The following CCDC93 variants were observed in gnomAD, a reference collection of about 807,000 sequenced individuals.
CCDC93 encodes CCC complex scaffolding subunit CCDC93, also known as coiled-coil domain-containing protein 93.
Under a neutral mutation model 108.2 loss-of-function variants are expected in CCDC93, and 61 were observed. The observed-to-expected ratio is 0.56, with a 90% CI of 0.46 to 0.70. The LOEUF is 0.70. CCDC93 is among the 30% of genes least tolerant of loss of function. The probability of loss-of-function intolerance (pLI) is 0.00; values close to 1 mark genes in which losing one functional copy is unlikely to be tolerated. For synonymous variants in CCDC93, 276 were observed against 260.4 expected, an observed-to-expected ratio of 1.06 and a Z score of -0.58; for missense variants, 685 against 764.2, an observed-to-expected ratio of 0.90 and a Z score of 1.22.
In CCDC93 at chr2:117,985,977, T is replaced by G; in HGVS notation, c.612A>C (p.Glu204Asp). 1 of 1,606,506 alleles carries G rather than the reference T, an allele frequency of 6.2e-7. No homozygotes were observed. Among genetic ancestry groups the G allele is most frequent in the Non-Finnish European group, 8.5e-7 (1 of 1,173,364 alleles). Residue 204 changes from glutamate to aspartate, a missense_variant, in exon 7 of 24, where the codon GAA (glutamate) becomes GAC (aspartate). Physicochemically the swap from Glu to Asp is conservative, Grantham distance 45. Transcript: ENST00000376300. ...TGGGTCCCACTCATTACCTGCCATA[T>G]TCCAAAAGTGTAGCATGGATTCGAG... Reference protein sequence around the residue: ...EESRIHATLLEYGRRYGFSRQ... With the variant: ...EESRIHATLLDYGRRYGFSRQ...
At position 117,958,473 on chromosome 2, in the gene CCDC93, C is replaced by G. The variant is rs766626893; in HGVS notation, c.897G>C (p.Glu299Asp). Reference protein sequence around the residue: ...IVSEYAEKQSELSAEESPEKL... With the variant: ...IVSEYAEKQSDLSAEESPEKL... ...TTTCTGGACTTTCTTCAGCTGATAG[C>G]TCAGACTGCTGTGGAAAAAAGGGAT... The change falls in exon 12 of 24, where the codon GAG becomes GAC. Residue 299 changes from glutamate (E) to aspartate (D), a missense_variant. By Grantham distance (45) the Glu-to-Asp change is conservative. Transcript: ENST00000376300. The G allele has an allele frequency of 6.3e-7, 1 of 1,589,742 alleles. No individual in the cohort carries two copies. The highest frequency in any genetic ancestry group is 8.6e-7 in the Non-Finnish European group (1 of 1,157,854).
At chr2:117,981,650 A>C (rs1370060343) in intron 7 of CCDC93, among the ~76,000 whole-genome samples, 1 of 152,184 alleles carries the variant, frequency 6.6e-6, no homozygotes, top group Non-Finnish European at 1.5e-5. Flanking sequence ...CACACATACA[A>C]TTTTTTAATT....
intron 22 of CCDC93, chr2:117,934,483 G>A (rs184731703): frequency 2.6e-5 from 4 of 152,420 alleles, no homozygotes; most frequent in African/African-American, 7.2e-5. Flanking sequence ...TTGAGAAATC[G>A]TGCTTGTTAC....
In CCDC93 at chr2:118,008,658, C is replaced by A; in HGVS notation, c.43G>T (p.Val15Leu). ...RGPEGQGLPE[V>L]ETREDEEQNV... Reference sequence around the variant, plus strand: ...TGTTCTTCATCTTCTCTTGTTTCCACCTAAAATAAAAGGTAAAACTTTGGC... The same window carrying A: ...TGTTCTTCATCTTCTCTTGTTTCCAACTAAAATAAAAGGTAAAACTTTGGC... Residue 15 changes from valine (V) to leucine (L), a missense_variant and splice_region_variant, in exon 2 of 24, where the codon GTG becomes TTG. By Grantham distance (32) the Val-to-Leu change is conservative. Coordinates refer to ENST00000376300, the MANE Select transcript of CCDC93 (RefSeq NM_019044.5). 6.2e-7 allele frequency: 1 copy of A among 1,600,498 alleles called. No individual in the cohort carries two copies. The highest frequency in any genetic ancestry group is 1.1e-5 in the South Asian group (1 of 90,354).
rs557389499 is a variant in CCDC93 at position 118,010,863 on chromosome 2, C to T, written c.43-2205G>A. Among the ~76,000 whole-genome samples the T allele has an allele frequency of 3.3e-5, 5 of 152,332 alleles. 1 individual carries two copies. Among genetic ancestry groups the T allele is most frequent in the Admixed American group, 1.3e-4 (2 of 15,302 alleles). On this transcript the variant is annotated intron_variant, in intron 1 of 23. Transcript: ENST00000376300. ...CTTTCAAATTCCAGCTCCCATGCAACACCATCCCTCACAAGTCTATCCTGA... is the reference window on the plus strand; with the variant it reads ...CTTTCAAATTCCAGCTCCCATGCAATACCATCCCTCACAAGTCTATCCTGA...
chr2:118,013,903 G>A lies in CCDC93; in HGVS notation c.42+51C>T, dbSNP rs373493090. 474 of 1,486,208 alleles carry A rather than the reference G, an allele frequency of 3.2e-4. 7 individuals are homozygous for A. The highest frequency in any genetic ancestry group is 3.0e-3 in the South Asian group (243 of 80,146). The allele number at this position is 1,486,208 out of a possible 1,614,324, so 92.1% of individuals were successfully genotyped here. On this transcript the variant is annotated intron_variant, in intron 1 of 23. Transcript: ENST00000376300. ...GCTCAGCCCGCCGCCCCGCGGCTCG[G>A]CCCTCTCTTCAGGAACCCCGACGTG...
chr2:117,969,997 G>C (rs921721998), intron 11 of CCDC93, among the ~76,000 whole-genome samples: 1 of 152,092 alleles, frequency 6.6e-6, no homozygotes. Context: ...ATTCCCATTG[G>C]TATGTGTTCT....
intron 21 of CCDC93, chr2:117,935,838 C>T (rs776620415): frequency 3.0e-6 from 1 of 335,652 alleles, no homozygotes; most frequent in Non-Finnish European, 5.4e-6. Flanking sequence ...ACTTTCATAA[C>T]TAATATGTAT....
Position 118,008,525 on chromosome 2 carries a change from T to C in CCDC93, c.156+20A>G. The C allele has an allele frequency of 7.5e-7, 1 of 1,335,992 alleles. No homozygotes were observed. Among genetic ancestry groups the C allele is most frequent in the South Asian group, 1.2e-5 (1 of 83,158 alleles). 82.8% of individuals were successfully genotyped at this position (1,335,992 alleles called of 1,614,324 possible). On this transcript the variant is annotated intron_variant, in intron 2 of 23. Transcript: ENST00000376300. The stretch of plus-strand genomic sequence containing the variant: ...ATTCTGACAAAAGATAGTGTAATGG[T>C]TAGAAAGATTTCCCCTTACCTTGTC...
rs138746784 is a variant in CCDC93, at chr2:117,978,013, C to A, written c.638G>T (p.Arg213Leu). The change falls in exon 8 of 24, where the codon CGC (arginine) becomes CTC (leucine). Residue 213 changes from arginine to leucine, a missense_variant. By Grantham distance (102) the Arg-to-Leu change is moderately radical (BLOSUM62 -2). Coordinates refer to ENST00000376300, the MANE Select transcript of CCDC93 (RefSeq NM_019044.5). ...LEYGRRYGFSRQSKMEKAEDK... is the reference protein window; with the variant it reads ...LEYGRRYGFSLQSKMEKAEDK... ...TCTTACCTTCTCCATTTTGCTCTGG[C>A]GGCTAAATCCATATCTCCTGCAGGC... 6.2e-7 allele frequency: 1 copy of A among 1,613,782 alleles called. No individual in the cohort carries two copies. The highest frequency in any genetic ancestry group is 1.1e-5 in the South Asian group (1 of 91,064).
Position 117,973,590 on chromosome 2 carries a change from A to C in CCDC93, c.888+318T>G, listed in dbSNP as rs143828985. On this transcript the variant is annotated intron_variant, in intron 11 of 23. Coordinates refer to ENST00000376300, the MANE Select transcript of CCDC93 (RefSeq NM_019044.5). The stretch of plus-strand genomic sequence containing the variant: ...AATCATCAAACTGAGCCCAAGTTAT[A>C]AGAGGCCTGATAGAAAAGAAAAAAT... Among the ~76,000 whole-genome samples, 10 of 152,290 alleles carry C rather than the reference A, an allele frequency of 6.6e-5. No individual in the cohort carries two copies. In the East Asian group the frequency reaches 1.7e-3, roughly 26 times the overall value.
chr2:117,943,902 G>T, intron 18 of CCDC93, 122 bp downstream of exon 18: 1 of 598,132 alleles, frequency 1.7e-6, no homozygotes. Flanking sequence ...GAAGACTGGG[G>T]AACAGCAGCC....
chr2:117,993,393 CAA>C (rs61495252), intron 6 of CCDC93, among the ~76,000 whole-genome samples: 11 of 64,398 alleles, frequency 1.7e-4, no homozygotes, highest in Admixed American at 1.5e-4. Context: ...GACTCCGTCT[CAA>C]AAAAAAAAAA....
intron 23 of CCDC93, among the ~76,000 whole-genome samples, chr2:117,922,334 T>C (rs1405993818): frequency 6.6e-6 from 1 of 152,026 alleles, no homozygotes; most frequent in East Asian, 1.9e-4. Flanking sequence ...AAGAGGCGCT[T>C]TGGGTGTTTG....
chr2:118,006,343 A>C (rs1216141348), intron 3 of CCDC93, among the ~76,000 whole-genome samples: 3 of 152,134 alleles, frequency 2.0e-5, no homozygotes, highest in Non-Finnish European at 4.4e-5. Flanking sequence ...CTGTGCTACA[A>C]AAGACTGGGC....
At chr2:117,982,118 C>T (rs1205807432) in intron 7 of CCDC93, among the ~76,000 whole-genome samples, 1 of 120,424 alleles carries the variant, frequency 8.3e-6, no homozygotes, top group Non-Finnish European at 1.8e-5. Context: ...TAGCCTGTTC[C>T]TTAGTATTCA....
At chr2:117,996,037 T>C (rs969222625) in intron 5 of CCDC93, among the ~76,000 whole-genome samples, 2 of 152,138 alleles carry the variant, frequency 1.3e-5, no homozygotes, top group Non-Finnish European at 1.5e-5. Context: ...AAAAATCAAC[T>C]ATTATTCTTG....
rs1680304685 is a variant in CCDC93, at chr2:117,985,981, A to G, written c.608T>C (p.Leu203Ser). Residue 203 changes from leucine to serine, a missense_variant, in exon 7 of 24, where the codon TTG becomes TCG. Transcript: ENST00000376300. ...TCCCACTCATTACCTGCCATATTCC[A>G]AAAGTGTAGCATGGATTCGAGATTC... is the stretch of plus-strand genomic sequence containing the variant. ...DEESRIHATL[L>S]EYGRRYGFSR... The G allele has an allele frequency of 1.2e-6, 2 of 1,610,218 alleles. No individual in the cohort carries two copies. The highest frequency in any genetic ancestry group is 2.2e-5 in the East Asian group (1 of 44,816).
intron 22 of CCDC93, chr2:117,931,537 G>A (rs1462141489): frequency 5.0e-6 from 1 of 199,130 alleles, no homozygotes; most frequent in Non-Finnish European, 1.0e-5. Flanking sequence ...CAGCAATGCT[G>A]CTAAACATCC....
Sources: allele counts gnomAD v4.1 joint callset (sites outside exome capture counted in the v4.1 genomes callset), GRCh38; gene constraint gnomAD v4.1.1; transcripts MANE v1.5; gene names NCBI Gene and HGNC (gene_info 2026-07-23, HGNC 2026-07-21).